The following ADAM15 variants were observed in gnomAD, a reference collection of about 807,000 sequenced individuals.
ADAM15 encodes the protein disintegrin and metalloproteinase domain-containing protein 15.
In ADAM15, 77 loss-of-function variants were observed where a neutral mutation model predicts 113.8. The observed-to-expected ratio is 0.68, with a 90% CI of 0.56 to 0.82. The LOEUF (loss-of-function observed/expected upper bound fraction) is 0.82, where lower values mean the gene tolerates loss of function less well. Among genes scored for constraint, ADAM15 ranks in the 40% least tolerant of loss-of-function variants. ADAM15 has a pLI of 0.00. For missense variants in ADAM15, 963 were observed against 1,120.1 expected (o/e 0.86, Z 2.00); for synonymous variants, 388 against 454.1 (o/e 0.85, Z 1.85).
At chr1:155,052,417 G>A (rs1661169677) in intron 1 of ADAM15, 1 of 1,334,588 alleles carries the variant, frequency 7.5e-7, no homozygotes, top group Non-Finnish European at 1.0e-6. Context: ...AGGGGACAAG[G>A]AGGGCCACAG....
Position 155,056,620 on chromosome 1 carries a change from G to T in ADAM15, c.999+150G>T. 1.3e-6 allele frequency: 1 copy of T among 782,422 alleles called. No individual in the cohort carries two copies. 48.5% of individuals were successfully genotyped at this position (782,422 alleles called of 1,614,324 possible). ...GTACGTGATGTGGCCTTTGCTATCAGGGAGCCCTCGCTTATGGCCAGCTAG... is the reference window on the plus strand; with the variant it reads ...GTACGTGATGTGGCCTTTGCTATCATGGAGCCCTCGCTTATGGCCAGCTAG... On this transcript the variant is annotated intron_variant, in intron 10 of 22. Coordinates refer to ENST00000356955, the MANE Select transcript of ADAM15 (RefSeq NM_207197.3). The surrounding 1 kb of genome is among the most constrained non-coding windows in gnomAD (Gnocchi z 4.0).
At position 155,058,101 on chromosome 1, in the gene ADAM15, C is replaced by A. The variant is rs780724467; in HGVS notation, c.1667C>A (p.Ala556Asp). ...CLQTANTRGN[A>D]FGSCGRNPSG... The stretch of plus-strand genomic sequence containing the variant: ...CAGACAGCTAATACTCGGGGAAATG[C>A]TTTTGGGAGCTGTGGGCGCAACCCC... The change falls in exon 14 of 23, where the codon GCT (alanine) becomes GAT (aspartate). Residue 556 changes from alanine (A) to aspartate (D), a missense_variant. By Grantham distance (126) the Ala-to-Asp change is moderately radical (BLOSUM62 -2). Coordinates refer to ENST00000356955, the MANE Select transcript of ADAM15 (RefSeq NM_207197.3). The surrounding 1 kb of genome is among the most constrained non-coding windows in gnomAD (Gnocchi z 4.3). 6.8e-6 allele frequency: 11 copies of A among 1,613,726 alleles called. No homozygotes were observed. Among genetic ancestry groups the A allele is most frequent in the Non-Finnish European group, 9.3e-6 (11 of 1,179,766 alleles).
At chr1:155,059,842 A>C in intron 16 of ADAM15, 60 bp from the exon 17 acceptor site, 252 of 1,536,484 alleles carry the variant, frequency 1.6e-4, no homozygotes, top group Non-Finnish European at 2.0e-4. Context: ...TTGAAAAGCT[A>C]GAGACAAGGA....
chr1:155,062,269 C>T lies in ADAM15; in HGVS notation c.2449C>T (p.Pro817Ser), dbSNP rs777172759. Residue 817 changes from proline to serine, a missense_variant, in exon 22 of 23, where the codon CCC (proline) becomes TCC (serine). Physicochemically the swap from Pro to Ser is moderately conservative, Grantham distance 74. Coordinates refer to ENST00000356955, the MANE Select transcript of ADAM15 (RefSeq NM_207197.3). The surrounding 1 kb of genome is among the most constrained non-coding windows in gnomAD (Gnocchi z 7.0). ...PKSQGPAKPPPPRKPLPADPQ... is the reference protein window; with the variant it reads ...PKSQGPAKPPSPRKPLPADPQ... ...GTCTCAGGGGCCAGCCAAGCCCCCA[C>T]CCCCAAGGAAGCCACTGCCTGCCGA... 2 of 1,464,758 alleles carry T rather than the reference C, an allele frequency of 1.4e-6. No individual in the cohort carries two copies. Among genetic ancestry groups the T allele is most frequent in the Non-Finnish European group, 9.0e-7 (1 of 1,105,818 alleles). 90.7% of individuals were successfully genotyped at this position (1,464,758 alleles called of 1,614,324 possible).
At position 155,062,261 on chromosome 1, in the gene ADAM15, A is replaced by G; in HGVS notation, c.2441A>G (p.Lys814Arg). 2.7e-6 allele frequency: 4 copies of G among 1,457,660 alleles called. No individual in the cohort carries two copies. Among genetic ancestry groups the G allele is most frequent in the Non-Finnish European group, 3.6e-6 (4 of 1,102,966 alleles). The allele number at this position is 1,457,660 out of a possible 1,614,324, so 90.3% of individuals were successfully genotyped here. A position where few individuals can be genotyped will look rare whatever the true frequency, so the allele number is the denominator to read the frequency against. The change falls in exon 22 of 23, where the codon AAG becomes AGG. Residue 814 changes from lysine (K) to arginine (R), a missense_variant. Coordinates refer to ENST00000356955, the MANE Select transcript of ADAM15 (RefSeq NM_207197.3). This position sits in a 1 kb window ranked among gnomAD's most constrained non-coding sequence, Gnocchi z 7.0. Reference sequence around the variant, plus strand: ...CTCCCTCAGTCTCAGGGGCCAGCCAAGCCCCCACCCCCAAGGAAGCCACTG... The same window carrying G: ...CTCCCTCAGTCTCAGGGGCCAGCCAGGCCCCCACCCCCAAGGAAGCCACTG... Reference protein sequence around the residue: ...VRSPKSQGPAKPPPPRKPLPA... With the variant: ...VRSPKSQGPARPPPPRKPLPA...
chr1:155,060,825 G>T lies in ADAM15; in HGVS notation c.2270G>T (p.Gly757Val). Residue 757 changes from glycine to valine, a missense_variant, in exon 19 of 23, where the codon GGC (glycine) becomes GTC (valine). By Grantham distance (109) the Gly-to-Val change is moderately radical. Transcript: ENST00000356955. ...GPPQRALLARGTKQASALSFP... is the reference protein window; with the variant it reads ...GPPQRALLARVTKQASALSFP... Reference sequence around the variant, plus strand: ...CCGCAGAGGGCCCTGCTGGCACGAGGCACTAAGGTGAGTCCTGGATGCCAG... The same window carrying T: ...CCGCAGAGGGCCCTGCTGGCACGAGTCACTAAGGTGAGTCCTGGATGCCAG... 6.2e-7 allele frequency: 1 copy of T among 1,611,254 alleles called. No individual in the cohort carries two copies. The highest frequency in any genetic ancestry group is 8.5e-7 in the Non-Finnish European group (1 of 1,179,836).
Position 155,051,348 on chromosome 1 carries a change from C to A in ADAM15, c.-39C>A, listed in dbSNP as rs1199822496. On this transcript the variant is annotated 5_prime_UTR_variant, in exon 1 of 23. Transcript: ENST00000356955. ...CCGGCCGCTCCTCCGCGCGCTGTTC[C>A]GCACTTGCTGCCCTCGCCCGGCCCG... 1.4e-6 allele frequency: 2 copies of A among 1,463,196 alleles called. No individual in the cohort carries two copies. The highest frequency in any genetic ancestry group is 1.8e-6 in the Non-Finnish European group (2 of 1,107,902). 90.6% of individuals were successfully genotyped at this position (1,463,196 alleles called of 1,614,324 possible). A position where few individuals can be genotyped will look rare whatever the true frequency, so the allele number is the denominator to read the frequency against.
chr1:155,058,391 G>C lies in ADAM15; in HGVS notation c.1867G>C (p.Val623Leu), dbSNP rs1247671989. The part of the protein sequence containing the change: ...SWVHLDLGSD[V>L]AQPLLTLPGT... ...GGTGCACCTGGACCTGGGCAGTGAT[G>C]TGGCCCAGCCCCTCCTGACTCTGCC... The change falls in exon 15 of 23, where the codon GTG (valine) becomes CTG (leucine). Residue 623 changes from valine to leucine, a missense_variant. Transcript: ENST00000356955. The surrounding 1 kb of genome is among the most constrained non-coding windows in gnomAD (Gnocchi z 4.3). 3 of 1,613,638 alleles carry C rather than the reference G, an allele frequency of 1.9e-6. No homozygotes were observed. Among genetic ancestry groups the C allele is most frequent in the Non-Finnish European group, 2.5e-6 (3 of 1,180,038 alleles).
Position 155,057,200 on chromosome 1 carries a change from C to A in ADAM15, c.1161C>A (p.Gly387=). ...CCACCCTCCCCAGCTTCCTACCAGGCCTGAACTTCAGCAACTGCAGCCGAC... is the reference window on the plus strand; with the variant it reads ...CCACCCTCCCCAGCTTCCTACCAGGACTGAACTTCAGCAACTGCAGCCGAC... ...IMEASTDFLP[G]LNFSNCSRRA... is the part of the protein sequence containing the mutation. Residue 387 remains glycine (G), a synonymous_variant, in exon 12 of 23, where the codon GGC becomes GGA. Coordinates refer to ENST00000356955, the MANE Select transcript of ADAM15 (RefSeq NM_207197.3). This position sits in a 1 kb window ranked among gnomAD's most constrained non-coding sequence, Gnocchi z 5.0. The A allele has an allele frequency of 1.2e-6, 2 of 1,613,562 alleles. No individual in the cohort carries two copies. Among genetic ancestry groups the A allele is most frequent in the Non-Finnish European group, 1.7e-6 (2 of 1,179,560 alleles).
intron 6 of ADAM15, 131 bp from the exon 7 acceptor site, chr1:155,055,659 T>C: frequency 2.1e-6 from 2 of 967,686 alleles, no homozygotes; most frequent in Non-Finnish European, 3.3e-6. Context: ...CTTCAGTGGC[T>C]CATCTGTAAA....
At position 155,056,232 on chromosome 1, in the gene ADAM15, C is replaced by G; in HGVS notation, c.897C>G (p.Asp299Glu). 6.2e-7 allele frequency: 1 copy of G among 1,613,996 alleles called. No individual in the cohort carries two copies. The highest frequency in any genetic ancestry group is 1.3e-5 in the African/African-American group (1 of 75,042). ...ATTTGCTGCCTCGATTGCCCCATGA[C>G]AGTGCCCAGCTGGTGACGTAAGGGC... The part of the protein sequence containing the change: ...RAHLLPRLPH[D>E]SAQLVTGTSF... Residue 299 changes from aspartate to glutamate, a missense_variant, in exon 9 of 23, where the codon GAC becomes GAG. Asp to Glu is a conservative substitution (Grantham distance 45). Coordinates refer to ENST00000356955, the MANE Select transcript of ADAM15 (RefSeq NM_207197.3). This position sits in a 1 kb window ranked among gnomAD's most constrained non-coding sequence, Gnocchi z 4.0.
At position 155,058,430 on chromosome 1, in the gene ADAM15, G is replaced by A. The variant is rs1558129532; in HGVS notation, c.1906G>A (p.Gly636Ser). The change falls in exon 15 of 23, where the codon GGC becomes AGC. Residue 636 changes from glycine to serine, a missense_variant. Coordinates refer to ENST00000356955, the MANE Select transcript of ADAM15 (RefSeq NM_207197.3). The surrounding 1 kb of genome is among the most constrained non-coding windows in gnomAD (Gnocchi z 4.3). ...PLLTLPGTAC[G>S]PGLVCIDHRC... ...CCTGACTCTGCCTGGCACAGCCTGT[G>A]GCCCTGGCCTGGTGAGCAGCCTGGG... is the stretch of plus-strand genomic sequence containing the variant. 1.2e-6 allele frequency: 2 copies of A among 1,611,828 alleles called. No homozygotes were observed. Among genetic ancestry groups the A allele is most frequent in the Non-Finnish European group, 8.5e-7 (1 of 1,180,012 alleles).
In ADAM15 at chr1:155,062,176, C is replaced by T; in HGVS notation, c.2425-69C>T. 6.9e-7 allele frequency: 1 copy of T among 1,445,846 alleles called. No homozygotes were observed. Among genetic ancestry groups the T allele is most frequent in the Non-Finnish European group, 9.1e-7 (1 of 1,096,628 alleles). The allele number at this position is 1,445,846 out of a possible 1,614,324, so 89.6% of individuals were successfully genotyped here. ...GCCCCCAAGCTGGTGTTCCCCAGCA[C>T]CAGTGCGTTGGGGGTGGGCAACATG... On this transcript the variant is annotated intron_variant, in intron 21 of 22. Transcript: ENST00000356955. The surrounding 1 kb of genome is among the most constrained non-coding windows in gnomAD (Gnocchi z 7.0).
rs1156553028 is a variant in ADAM15, at chr1:155,058,438, C to T, written c.1914C>T (p.Gly638=). The T allele has an allele frequency of 1.2e-6, 2 of 1,611,028 alleles. No homozygotes were observed. The highest frequency in any genetic ancestry group is 2.2e-5 in the East Asian group (1 of 44,892). ...TGCCTGGCACAGCCTGTGGCCCTGG[C>T]CTGGTGAGCAGCCTGGGTGGGCAAG... ...LTLPGTACGP[G]LVCIDHRCQR... is the part of the protein sequence containing the mutation. The change falls in exon 15 of 23, where the codon GGC becomes GGT. Residue 638 remains glycine, a synonymous_variant. Coordinates refer to ENST00000356955, the MANE Select transcript of ADAM15 (RefSeq NM_207197.3). The surrounding 1 kb of genome is among the most constrained non-coding windows in gnomAD (Gnocchi z 4.3).
chr1:155,052,795 TC>T lies in ADAM15; in HGVS notation c.186+19del, dbSNP rs772120990. ...TGCTTCAGGTGAGCTCTCACTCCCC[TC>T]TAATAAATAAACGAATCCACACACG... On this transcript the variant is annotated intron_variant, in intron 2 of 22. Transcript: ENST00000356955. 6.9e-6 allele frequency: 11 copies of T among 1,596,734 alleles called. No individual in the cohort carries two copies. The highest frequency in any genetic ancestry group is 1.8e-5 in the Admixed American group (1 of 56,864).
intron 20 of ADAM15, 108 bp downstream of exon 20, chr1:155,061,597 C>G: frequency 3.3e-6 from 4 of 1,228,216 alleles, no homozygotes; most frequent in Non-Finnish European, 4.6e-6. Context: ...ATTAGGTGAT[C>G]GGGGTGCCCC....
intron 20 of ADAM15, 136 bp from the exon 21 acceptor site, chr1:155,061,768 C>G: frequency 9.6e-7 from 1 of 1,037,280 alleles, no homozygotes; most frequent in African/African-American, 1.6e-5. Flanking sequence ...TGCCTCCAAG[C>G]CCTCTGCGCA....
chr1:155,062,615 G>A lies in ADAM15; in HGVS notation c.*113G>A. 4 of 1,423,610 alleles carry A rather than the reference G, an allele frequency of 2.8e-6. No individual in the cohort carries two copies. Among genetic ancestry groups the A allele is most frequent in the Non-Finnish European group, 3.8e-6 (4 of 1,041,638 alleles). The allele number at this position is 1,423,610 out of a possible 1,614,324, so 88.2% of individuals were successfully genotyped here. On this transcript the variant is annotated 3_prime_UTR_variant, in exon 23 of 23. Transcript: ENST00000356955. This position sits in a 1 kb window ranked among gnomAD's most constrained non-coding sequence, Gnocchi z 7.0. ...GCGCCAGAGACTGGCGGTGTCTTAA[G>A]ACTCCGGGCACCGCCACGCGCTGTC...
rs1169442587 is a variant in ADAM15, at chr1:155,055,912, TC to T, written c.676-19del. The T allele has an allele frequency of 6.2e-7, 1 of 1,614,190 alleles. No individual in the cohort carries two copies. The highest frequency in any genetic ancestry group is 8.5e-7 in the Non-Finnish European group (1 of 1,180,034). ...CTGCACTGCCCTGCCGCCTTTCATG[TC>T]ACCTCTCTTGGCCTACAGGCCCAGA... On this transcript the variant is annotated intron_variant, in intron 7 of 22. Transcript: ENST00000356955.
Sources: gnomAD v4.1 joint callset for allele counts on GRCh38, gnomAD v4.1.1 for gene constraint, Gnocchi (gnomAD v3.1) non-coding constraint, MANE v1.5 for transcripts, NCBI Gene and HGNC (gene_info 2026-07-23, HGNC 2026-07-21) for gene names.